The following GUCY1A2 variants were observed in gnomAD, a reference collection of about 807,000 sequenced individuals.
The protein encoded by GUCY1A2 is guanylate cyclase soluble subunit alpha-2.
In GUCY1A2, 27 loss-of-function variants were observed where a neutral mutation model predicts 63.5. That is an observed-to-expected ratio of 0.43 (90% confidence interval 0.31 to 0.59). The LOEUF is 0.59. Among genes scored for constraint, GUCY1A2 ranks in the 20% least tolerant of loss-of-function variants. GUCY1A2 has a pLI of 0.11. For synonymous variants in GUCY1A2, 364 were observed against 343.5 expected (o/e 1.06, Z -0.66); for missense variants, 768 against 913.3 (o/e 0.84, Z 2.05).
At chr11:106,785,662 A>G (rs894297574) in intron 5 of GUCY1A2, among the ~76,000 whole-genome samples, 1 of 152,130 alleles carries the variant, frequency 6.6e-6, no homozygotes. Flanking sequence ...TTTCAATTGC[A>G]AAATTCAGGA....
At chr11:106,936,742 G>C in intron 4 of GUCY1A2, 15 of 1,340,916 alleles carry the variant, frequency 1.1e-5, no homozygotes, top group Non-Finnish European at 1.5e-5. Context: ...GGCAGACGTA[G>C]TGGTTCATTG....
intron 6 of GUCY1A2, among the ~76,000 whole-genome samples, chr11:106,727,633 C>T (rs1487905): frequency 0.59 from 89,722 of 151,894 alleles, 26,843 homozygotes; most frequent in East Asian, 0.86. Context: ...AAAAGATATA[C>T]ACATTTATGG....
chr11:106,898,042 A>C (rs1860075816), intron 4 of GUCY1A2, among the ~76,000 whole-genome samples: 4 of 152,200 alleles, frequency 2.6e-5, no homozygotes, highest in Admixed American at 1.3e-4. Flanking sequence ...AAATATCTTA[A>C]AAAATACCTC....
rs77667864 is a variant in GUCY1A2 at position 106,929,459 on chromosome 11, C to T, written c.1206+10001G>A. Among the ~76,000 whole-genome samples the T allele has an allele frequency of 3.0e-3, 460 of 152,252 alleles. 2 individuals are homozygous for T. The highest frequency in any genetic ancestry group is 5.5e-3 in the Non-Finnish European group (376 of 67,978). On this transcript the variant is annotated intron_variant, in intron 4 of 7. Coordinates refer to ENST00000526355, the MANE Select transcript of GUCY1A2 (RefSeq NM_000855.3). ...AGCTTTTCTAAATCTCTCTACTCCACCAATTCATTACTTTTTAAGGTTAAA... is the reference window on the plus strand; with the variant it reads ...AGCTTTTCTAAATCTCTCTACTCCATCAATTCATTACTTTTTAAGGTTAAA...
chr11:106,949,570 C>G (rs1426788306), intron 3 of GUCY1A2, among the ~76,000 whole-genome samples: 1 of 152,108 alleles, frequency 6.6e-6, no homozygotes, highest in Non-Finnish European at 1.5e-5. Context: ...ACTCTGAGAC[C>G]GAGATAGATG....
chr11:106,709,278 T>A (rs1599945), intron 6 of GUCY1A2, among the ~76,000 whole-genome samples: 14,319 of 76,390 alleles, frequency 0.19, 1,101 homozygotes, highest in African/African-American at 0.31. Context: ...TTTATATATA[T>A]AAATTTATAT....
intron 6 of GUCY1A2, among the ~76,000 whole-genome samples, chr11:106,744,631 G>C (rs1430822468): frequency 6.6e-6 from 1 of 152,050 alleles, no homozygotes; most frequent in Non-Finnish European, 1.5e-5. Flanking sequence ...TAATAAGTTT[G>C]TTTTAGGAGT....
chr11:106,835,745 A>G (rs773597680), intron 4 of GUCY1A2, among the ~76,000 whole-genome samples: 2 of 151,954 alleles, frequency 1.3e-5, no homozygotes, highest in East Asian at 1.9e-4. Context: ...GGATTGAGAA[A>G]TAATAACTGT....
intron 5 of GUCY1A2, among the ~76,000 whole-genome samples, chr11:106,796,208 CAT>C (rs999323704): frequency 1.3e-5 from 2 of 152,158 alleles, no homozygotes; most frequent in African/African-American, 4.8e-5. Flanking sequence ...TGTCTCTGCA[CAT>C]GAGATGGGTC....
intron 5 of GUCY1A2, among the ~76,000 whole-genome samples, chr11:106,785,287 T>C (rs958417891): frequency 6.6e-6 from 1 of 152,188 alleles, no homozygotes; most frequent in African/African-American, 2.4e-5. Context: ...ATACGACTTT[T>C]TCAGGGCACA....
At chr11:106,885,550 T>C (rs1859886504) in intron 4 of GUCY1A2, among the ~76,000 whole-genome samples, 1 of 152,192 alleles carries the variant, frequency 6.6e-6, no homozygotes, top group Non-Finnish European at 1.5e-5. Context: ...TTATCCTCTG[T>C]TCTCGAAAAT....
intron 1 of GUCY1A2, among the ~76,000 whole-genome samples, chr11:106,994,779 C>A (rs1022349208): frequency 1.3e-5 from 2 of 152,160 alleles, no homozygotes; most frequent in Non-Finnish European, 1.5e-5. Context: ...ACTTTGGTGA[C>A]CATTAGGAAA....
intron 1 of GUCY1A2, 41 bp from the exon 2 acceptor site, chr11:106,986,172 ATCAG>A: frequency 1.0e-6 from 1 of 958,854 alleles, no homozygotes; most frequent in South Asian, 1.3e-5. Context: ...TTATCAGCAA[ATCAG>A]TACCATTCCC....
At chr11:106,885,072 A>G (rs193301283) in intron 4 of GUCY1A2, among the ~76,000 whole-genome samples, 1 of 152,312 alleles carries the variant, frequency 6.6e-6, no homozygotes, top group East Asian at 1.9e-4. Context: ...AGTAGAAATT[A>G]TAAACTATGT....
rs1159005394 is a variant in GUCY1A2 at position 106,827,922 on chromosome 11, C to T, written c.1207-17444G>A. On this transcript the variant is annotated intron_variant, in intron 4 of 7. Transcript: ENST00000526355. The stretch of plus-strand genomic sequence containing the variant: ...GGACTCCCAGTGGTTTACTGAATAT[C>T]GCGGCGGAACAGCGAGACTCTGGAC... 59 of 1,319,362 alleles carry T rather than the reference C, an allele frequency of 4.5e-5. 1 individual carries two copies. In the South Asian group the frequency reaches 6.6e-4, roughly 15 times the overall value. 81.7% of individuals were successfully genotyped at this position (1,319,362 alleles called of 1,614,324 possible). A position where few individuals can be genotyped will look rare whatever the true frequency, so the allele number is the denominator to read the frequency against.
chr11:106,888,842 C>G (rs1385221790), intron 4 of GUCY1A2, among the ~76,000 whole-genome samples: 1 of 152,148 alleles, frequency 6.6e-6, no homozygotes, highest in East Asian at 1.9e-4. Flanking sequence ...TTGGCCCATT[C>G]TCTACCTTAG....
At chr11:107,010,773 C>T (rs939140212) in intron 1 of GUCY1A2, among the ~76,000 whole-genome samples, 1 of 152,130 alleles carries the variant, frequency 6.6e-6, no homozygotes, top group Non-Finnish European at 1.5e-5. Flanking sequence ...CTCTGTCACC[C>T]AGGCTGGAGT....
chr11:107,010,628 G>A (rs1345544749), intron 1 of GUCY1A2, among the ~76,000 whole-genome samples: 1 of 152,028 alleles, frequency 6.6e-6, no homozygotes, highest in Non-Finnish European at 1.5e-5. Flanking sequence ...AAATATTTTG[G>A]TTGATGGAAC....
intron 1 of GUCY1A2, among the ~76,000 whole-genome samples, chr11:107,014,214 A>G (rs12281375): frequency 0.056 from 8,420 of 149,884 alleles, 700 homozygotes; most frequent in African/African-American, 0.19. Context: ...TCAGCCTTTC[A>G]AGTAGCTGGG....
Sources: gnomAD v4.1 joint callset for allele counts (sites outside exome capture counted in the v4.1 genomes callset) on GRCh38, gnomAD v4.1.1 for gene constraint, MANE v1.5 for transcripts, NCBI Gene and HGNC (gene_info 2026-07-23, HGNC 2026-07-21) for gene names.